NRXN1: variants seen among roughly 807,000 people sequenced by gnomAD.
NRXN1 encodes neurexin-1.
Under a neutral mutation model 150.9 loss-of-function variants are expected in NRXN1, and 39 were observed. That is an observed-to-expected ratio of 0.26 (90% CI 0.20 to 0.34). The LOEUF (loss-of-function observed/expected upper bound fraction) is 0.34. Among genes scored for constraint, NRXN1 ranks in the 10% least tolerant of loss-of-function variants. NRXN1 has a pLI of 1.00. For synonymous variants in NRXN1, 924 were observed against 757.0 expected (o/e 1.22, Z -3.62); for missense variants, 1,815 against 1,949.9 (o/e 0.93, Z 1.30).
At chr2:50,376,144 C>T (rs1024467216) in intron 17 of NRXN1, among the ~76,000 whole-genome samples, 4 of 151,480 alleles carry the variant, frequency 2.6e-5, no homozygotes, top group African/African-American at 4.9e-5. Flanking sequence ...TCATTAATTC[C>T]TGAAGAAAAC....
intron 17 of NRXN1, among the ~76,000 whole-genome samples, chr2:50,335,961 C>G (rs766950660): frequency 2.6e-5 from 4 of 151,656 alleles, no homozygotes; most frequent in Non-Finnish European, 5.9e-5. Context: ...TGAGGGGCAG[C>G]AGCAATTTAT....
At chr2:50,726,738 A>C (rs938389414) in intron 5 of NRXN1, among the ~76,000 whole-genome samples, 2 of 152,206 alleles carry the variant, frequency 1.3e-5, no homozygotes, top group African/African-American at 4.8e-5. Flanking sequence ...CTCCATTAGT[A>C]AACACAATTT....
chr2:50,867,809 G>C (rs1677152111), intron 5 of NRXN1, among the ~76,000 whole-genome samples: 1 of 151,678 alleles, frequency 6.6e-6, no homozygotes, highest in African/African-American at 2.4e-5. Flanking sequence ...AATGGGTAAA[G>C]TTAAAAAGAG....
At chr2:50,245,261 A>G (rs2066393021) in intron 17 of NRXN1, among the ~76,000 whole-genome samples, 2 of 151,968 alleles carry the variant, frequency 1.3e-5, no homozygotes, top group South Asian at 4.1e-4. Flanking sequence ...CTGGCTGAGT[A>G]GAAAAACAGG....
intron 2 of NRXN1, among the ~76,000 whole-genome samples, chr2:50,946,886 T>C (rs1411933457): frequency 6.6e-6 from 1 of 152,190 alleles, no homozygotes; most frequent in African/African-American, 2.4e-5. Flanking sequence ...TTGCTTTTGC[T>C]GAATATTGCT....
At chr2:50,243,325 T>C (rs984128350) in intron 17 of NRXN1, among the ~76,000 whole-genome samples, 2 of 151,608 alleles carry the variant, frequency 1.3e-5, no homozygotes, top group South Asian at 4.1e-4. Context: ...AATAAATAAA[T>C]TTGAAAAAAG....
chr2:50,642,382 C>T (rs1471879927), intron 5 of NRXN1, among the ~76,000 whole-genome samples: 1 of 151,882 alleles, frequency 6.6e-6, no homozygotes, highest in East Asian at 1.9e-4. Flanking sequence ...AAAGAGGACA[C>T]ATTTAAAATT....
intron 8 of NRXN1, among the ~76,000 whole-genome samples, chr2:50,589,769 T>C (rs7579813): frequency 0.86 from 125,243 of 145,720 alleles, 55,011 homozygotes; most frequent in Non-Finnish European, 0.94. Context: ...GACTGTGTCT[T>C]GCCCAAGGTC....
At chr2:50,832,742 A>T (rs1463442536) in intron 5 of NRXN1, among the ~76,000 whole-genome samples, 1 of 152,202 alleles carries the variant, frequency 6.6e-6, no homozygotes, top group African/African-American at 2.4e-5. Context: ...AAAGTACAGG[A>T]CTCAGATTTC....
chr2:50,492,908 T>C (rs868727743), intron 15 of NRXN1, among the ~76,000 whole-genome samples: 3 of 126,770 alleles, frequency 2.4e-5, no homozygotes, highest in Middle Eastern at 3.7e-3. Context: ...TATCAGTCAA[T>C]GCACTTTAAA....
chr2:50,156,746 T>A (rs1046275180), intron 18 of NRXN1, among the ~76,000 whole-genome samples: 2 of 151,904 alleles, frequency 1.3e-5, no homozygotes, highest in African/African-American at 4.8e-5. Context: ...AACTATCAAA[T>A]CCTACCCTTT....
intron 17 of NRXN1, among the ~76,000 whole-genome samples, chr2:50,378,524 T>C (rs1011579313): frequency 1.3e-5 from 2 of 152,136 alleles, no homozygotes; most frequent in Non-Finnish European, 2.9e-5. Context: ...CTGGGAGCTG[T>C]AGCTACCAGC....
At chr2:50,657,959 CAATA>C (rs2104614339) in intron 5 of NRXN1, among the ~76,000 whole-genome samples, 1 of 152,070 alleles carries the variant, frequency 6.6e-6, no homozygotes, top group African/African-American at 2.4e-5. Flanking sequence ...TCTCCCAGAA[CAATA>C]AATTAGCAAG....
chr2:50,561,017 C>T (rs755383892), intron 8 of NRXN1, among the ~76,000 whole-genome samples: 18 of 151,994 alleles, frequency 1.2e-4, no homozygotes, highest in African/African-American at 3.4e-4. Flanking sequence ...ATTTTGTTTA[C>T]ACAACAAAGA....
intron 17 of NRXN1, among the ~76,000 whole-genome samples, chr2:50,344,413 G>A (rs996424160): frequency 6.6e-6 from 1 of 152,132 alleles, no homozygotes; most frequent in African/African-American, 2.4e-5. Flanking sequence ...CAGAAGAGGA[G>A]CAGCCTCTTC....
intron 5 of NRXN1, among the ~76,000 whole-genome samples, chr2:50,843,543 C>T (rs187423468): frequency 2.8e-4 from 42 of 152,272 alleles, no homozygotes; most frequent in African/African-American, 1.0e-3. Context: ...ATGGAATTGT[C>T]CCACTTGCCA....
chr2:50,592,793 G>C (rs1228732003), intron 8 of NRXN1, among the ~76,000 whole-genome samples: 1 of 152,182 alleles, frequency 6.6e-6, no homozygotes, highest in Non-Finnish European at 1.5e-5. Context: ...TGTATAGTTT[G>C]AGTATGTGGT....
At chr2:50,614,840 G>C (rs1425713927) in intron 8 of NRXN1, among the ~76,000 whole-genome samples, 2 of 151,104 alleles carry the variant, frequency 1.3e-5, no homozygotes, top group African/African-American at 4.9e-5. Flanking sequence ...AACTTTCTCT[G>C]TTGTCCAAAA....
chr2:49,961,581 T>G (rs1430873884), intron 21 of NRXN1, among the ~76,000 whole-genome samples: 4 of 152,284 alleles, frequency 2.6e-5, no homozygotes, highest in Non-Finnish European at 5.9e-5. Context: ...GAATCTGCAT[T>G]GAATTCTCAT....
Sources: gnomAD v4.1 joint callset for allele counts (sites outside exome capture counted in the v4.1 genomes callset) on GRCh38, gnomAD v4.1.1 for gene constraint, MANE v1.5 for transcripts, NCBI Gene and HGNC (gene_info 2026-07-23, HGNC 2026-07-21) for gene names.